Variants in TENM4 observed in about 807,000 individuals in gnomAD.
TENM4 encodes the protein teneurin transmembrane protein 4.
Under a neutral mutation model 243.3 loss-of-function variants are expected in TENM4, and 82 were observed. The ratio of observed to expected loss-of-function variants is 0.34; its 90% CI spans 0.28 to 0.40. The LOEUF (loss-of-function observed/expected upper bound fraction) is 0.40, where lower values mean the gene tolerates loss of function less well. Among genes scored for constraint, TENM4 ranks in the 10% least tolerant of loss-of-function variants. The pLI is 1.00. For synonymous variants in TENM4, 1,412 were observed against 1,456.3 expected (o/e 0.97, Z 0.69); for missense variants, 3,138 against 3,673.3 (o/e 0.85, Z 3.77).
chr11:79,168,471 C>T lies in TENM4; in HGVS notation c.-162-19665G>A, dbSNP rs558416215. Reference sequence around the variant, plus strand: ...TACTTTCCCATAGTGAAAAGTTGGCCGGGCAAAGAGTGGAACTGTATTTAC... The same window carrying T: ...TACTTTCCCATAGTGAAAAGTTGGCTGGGCAAAGAGTGGAACTGTATTTAC... On this transcript the variant is annotated intron_variant, in intron 3 of 33. Transcript: ENST00000278550. Among the ~76,000 whole-genome samples the T allele has an allele frequency of 3.9e-5, 6 of 152,052 alleles. No homozygotes were observed. The South Asian group carries it at 6.2e-4, about 16-fold the overall frequency.
At chr11:78,665,701 C>T (rs1858140825) in intron 32 of TENM4, among the ~76,000 whole-genome samples, 1 of 152,244 alleles carries the variant, frequency 6.6e-6, no homozygotes, top group South Asian at 2.1e-4. Context: ...TACTTTAGCT[C>T]TCTGAACCTC....
intron 12 of TENM4, among the ~76,000 whole-genome samples, chr11:78,826,589 G>C (rs1173787922): frequency 2.0e-5 from 3 of 152,088 alleles, no homozygotes; most frequent in Admixed American, 2.0e-4. Context: ...CTGCCCCTTT[G>C]TGATGTCTAC....
intron 6 of TENM4, among the ~76,000 whole-genome samples, chr11:79,029,978 G>A (rs565100849): frequency 3.3e-5 from 5 of 152,310 alleles, no homozygotes; most frequent in East Asian, 1.9e-4. Flanking sequence ...CAGGGAAAGG[G>A]AGGTTTAGGG....
chr11:79,011,717 C>T (rs755838136), intron 6 of TENM4, among the ~76,000 whole-genome samples: 7 of 152,234 alleles, frequency 4.6e-5, no homozygotes, highest in Admixed American at 2.0e-4. Context: ...CACTGCCCCA[C>T]CTGCTGGGAG....
rs140326201 is a variant in TENM4, at chr11:79,226,247, T to C, written c.-264-10338A>G. On this transcript the variant is annotated intron_variant, in intron 2 of 33. Coordinates refer to ENST00000278550, the MANE Select transcript of TENM4 (RefSeq NM_001098816.3). ...ATCCCTCATCGTGTTTTATGTTATT[T>C]TCTTGGCTGTACAAACTTAGGAACC... Among the ~76,000 whole-genome samples, 983 of 152,340 alleles carry C rather than the reference T, an allele frequency of 6.5e-3. 10 individuals carry two copies. Among genetic ancestry groups the C allele is most frequent in the African/African-American group, 0.023 (949 of 41,586 alleles).
chr11:78,727,567 G>A (rs1445646232), intron 22 of TENM4, among the ~76,000 whole-genome samples: 1 of 151,918 alleles, frequency 6.6e-6, no homozygotes, highest in Non-Finnish European at 1.5e-5. Context: ...TTTTAAATTA[G>A]GAAAAATGTT....
chr11:79,192,817 A>G (rs978437921), intron 3 of TENM4, among the ~76,000 whole-genome samples: 3 of 152,240 alleles, frequency 2.0e-5, no homozygotes, highest in African/African-American at 7.2e-5. Context: ...AGCATATTAG[A>G]AAAAGTTTTC....
At chr11:78,697,798 G>C (rs752876917) in intron 28 of TENM4, among the ~76,000 whole-genome samples, 23 of 152,154 alleles carry the variant, frequency 1.5e-4, no homozygotes, top group Admixed American at 6.5e-4. Context: ...ATTCAGGGAA[G>C]GGGGTTGCTC....
intron 2 of TENM4, among the ~76,000 whole-genome samples, chr11:79,256,408 A>T (rs188132781): frequency 1.3e-5 from 2 of 152,182 alleles, no homozygotes; most frequent in Non-Finnish European, 1.5e-5. Flanking sequence ...GGAAGTGGAG[A>T]GGCTGAAAGA....
intron 1 of TENM4, among the ~76,000 whole-genome samples, chr11:79,390,770 T>C (rs759616655): frequency 2.0e-5 from 3 of 152,216 alleles, no homozygotes; most frequent in Non-Finnish European, 4.4e-5. Flanking sequence ...GGCCAATGTG[T>C]CCTGGGTTTG....
chr11:79,189,228 G>A (rs1460988322), intron 3 of TENM4, among the ~76,000 whole-genome samples: 1 of 152,122 alleles, frequency 6.6e-6, no homozygotes, highest in Non-Finnish European at 1.5e-5. Context: ...AAAAATCTAA[G>A]AGGAACTAAG....
At chr11:79,388,953 G>A (rs1858173117) in intron 1 of TENM4, among the ~76,000 whole-genome samples, 1 of 152,146 alleles carries the variant, frequency 6.6e-6, no homozygotes, top group Admixed American at 6.5e-5. Flanking sequence ...AGTACCACTT[G>A]GTGTTACTGG....
chr11:78,832,229 T>C (rs1858001476), intron 12 of TENM4, among the ~76,000 whole-genome samples: 1 of 152,234 alleles, frequency 6.6e-6, no homozygotes, highest in African/African-American at 2.4e-5. Flanking sequence ...CGGGCCTTCT[T>C]GGTCCACCCT....
intron 1 of TENM4, among the ~76,000 whole-genome samples, chr11:79,319,897 A>AC (rs1352151669): frequency 7.9e-5 from 12 of 152,076 alleles, no homozygotes; most frequent in African/African-American, 2.9e-4. Flanking sequence ...ACACTAGGTG[A>AC]CCACCACAAC....
intron 9 of TENM4, among the ~76,000 whole-genome samples, chr11:78,869,290 G>A (rs546793733): frequency 3.3e-4 from 50 of 152,296 alleles, no homozygotes; most frequent in African/African-American, 1.2e-3. Flanking sequence ...GTCAGGAAAA[G>A]AAAAGGCAGG....
At chr11:79,113,756 A>G (rs1861560520) in intron 4 of TENM4, among the ~76,000 whole-genome samples, 2 of 152,020 alleles carry the variant, frequency 1.3e-5, no homozygotes, top group Non-Finnish European at 1.5e-5. Flanking sequence ...CTGGATTCCT[A>G]TTTGCTGCCC....
intron 6 of TENM4, among the ~76,000 whole-genome samples, chr11:78,994,756 A>C (rs1858130510): frequency 6.6e-6 from 1 of 152,222 alleles, no homozygotes; most frequent in African/African-American, 2.4e-5. Flanking sequence ...GACACCTCTC[A>C]GAAAGAGTAT....
At chr11:79,003,413 G>T (rs1013076814) in intron 6 of TENM4, among the ~76,000 whole-genome samples, 14 of 152,052 alleles carry the variant, frequency 9.2e-5, no homozygotes, top group East Asian at 1.9e-4. Context: ...GAAGGGGAAG[G>T]TCTCCTACAA....
intron 6 of TENM4, among the ~76,000 whole-genome samples, chr11:78,941,664 C>A (rs1047115956): frequency 2.0e-5 from 3 of 152,062 alleles, no homozygotes; most frequent in Admixed American, 2.0e-4. Context: ...GGAACAGGAA[C>A]CCCTTGGCTC....
Sources: gnomAD v4.1 joint callset for allele counts (sites outside exome capture counted in the v4.1 genomes callset) on GRCh38, gnomAD v4.1.1 for gene constraint, MANE v1.5 for transcripts, NCBI Gene and HGNC (gene_info 2026-07-23, HGNC 2026-07-21) for gene names.